The following AP1S3 variants were observed in gnomAD, a reference collection of about 807,000 sequenced individuals.
AP1S3 encodes the protein AP-1 complex subunit sigma-3.
Under a neutral mutation model 20.9 loss-of-function variants are expected in AP1S3, and 10 were observed. The observed-to-expected ratio is 0.48, with a 90% CI of 0.29 to 0.81. AP1S3 has a LOEUF of 0.81. AP1S3 is among the 30% of genes least tolerant of loss of function. The pLI, the probability that AP1S3 is intolerant of heterozygous loss-of-function variation, is 0.08. For missense variants in AP1S3, 154 were observed against 183.8 expected, an observed-to-expected ratio of 0.84 and a Z score of 0.94; for synonymous variants, 41 against 61.5, an observed-to-expected ratio of 0.67 and a Z score of 1.56.
In AP1S3 at chr2:223,756,661, C is replaced by T. The variant is rs1690229833; in HGVS notation, c.*2054G>A. 4.1e-6 allele frequency: 4 copies of T among 985,146 alleles called. No homozygotes were observed. The highest frequency in any genetic ancestry group is 4.8e-6 in the Non-Finnish European group (4 of 829,844). The allele number at this position is 985,146 out of a possible 1,614,324, so 61.0% of individuals were successfully genotyped here. On this transcript the variant is annotated 3_prime_UTR_variant, in exon 5 of 5. Transcript: ENST00000396654. ...AAAAGCCTAATGATTATTTTATATGCTAATCTGAGTTATTTCCTTTGAACA... is the reference window on the plus strand; with the variant it reads ...AAAAGCCTAATGATTATTTTATATGTTAATCTGAGTTATTTCCTTTGAACA...
intron 1 of AP1S3, among the ~76,000 whole-genome samples, chr2:223,787,227 C>G (rs967698090): frequency 2.6e-5 from 4 of 152,224 alleles, no homozygotes; most frequent in African/African-American, 9.6e-5. Context: ...TCCCCAGAAG[C>G]AGAAGCCACT....
chr2:223,765,458 T>A, intron 3 of AP1S3, 108 bp from the exon 4 acceptor site: 1 of 1,174,264 alleles, frequency 8.5e-7, no homozygotes, highest in South Asian at 1.7e-5. Context: ...GTACCAAAAA[T>A]AAAAATATCA....
Position 223,758,290 on chromosome 2 carries a change from A to G in AP1S3, c.*425T>C. ...AATTTTGAATTATTATACAATTTAG[A>G]AAACTAAACATTTAGAAAAAGTATT... On this transcript the variant is annotated 3_prime_UTR_variant, in exon 5 of 5. Transcript: ENST00000396654. The G allele has an allele frequency of 1.0e-6, 1 of 975,812 alleles. No homozygotes were observed. Among genetic ancestry groups the G allele is most frequent in the Non-Finnish European group, 1.2e-6 (1 of 820,458 alleles). The allele number at this position is 975,812 out of a possible 1,614,324, so 60.4% of individuals were successfully genotyped here.
At chr2:223,817,235 C>CA (rs1028474360) in intron 1 of AP1S3, among the ~76,000 whole-genome samples, 2 of 152,098 alleles carry the variant, frequency 1.3e-5, no homozygotes, top group African/African-American at 4.8e-5. Flanking sequence ...GGATGACAAC[C>CA]AAAAGTCAAC....
At chr2:223,761,153 T>C (rs1690344381) in intron 4 of AP1S3, among the ~76,000 whole-genome samples, 1 of 152,222 alleles carries the variant, frequency 6.6e-6, no homozygotes, top group South Asian at 2.1e-4. Context: ...GGGCAGACTT[T>C]TAGAGCTGGC....
chr2:223,807,778 G>A (rs1192283596), intron 1 of AP1S3, among the ~76,000 whole-genome samples: 3 of 150,176 alleles, frequency 2.0e-5, no homozygotes, highest in African/African-American at 4.9e-5. Context: ...CCTAGAAGTC[G>A]AGCATGCTTC....
At chr2:223,762,576 G>A (rs534412589) in intron 4 of AP1S3, among the ~76,000 whole-genome samples, 1 of 152,056 alleles carries the variant, frequency 6.6e-6, no homozygotes, top group Non-Finnish European at 1.5e-5. Flanking sequence ...CCCAGACAGA[G>A]GGTTTAATTT....
rs1163887027 is a variant in AP1S3 at position 223,820,145 on chromosome 2, TC to T, written c.3+17302del. Among the ~76,000 whole-genome samples, 19 of 147,244 alleles carry T rather than the reference TC, an allele frequency of 1.3e-4. No homozygotes were observed. In the East Asian group the frequency reaches 3.7e-3, roughly 28 times the overall value. On this transcript the variant is annotated intron_variant, in intron 1 of 4. Coordinates refer to ENST00000396654, the MANE Select transcript of AP1S3 (RefSeq NM_001039569.2). Reference sequence around the variant, plus strand: ...TAATAAATCAGACAAGTCTATTATTTCAAGGAAGCTCACTTTTAAAAGGTTT... The same window carrying T: ...TAATAAATCAGACAAGTCTATTATTTAAGGAAGCTCACTTTTAAAAGGTTT...
intron 1 of AP1S3, among the ~76,000 whole-genome samples, chr2:223,835,919 G>A (rs1692384506): frequency 6.6e-6 from 1 of 152,164 alleles, no homozygotes; most frequent in Non-Finnish European, 1.5e-5. Context: ...CTGGTGGACT[G>A]GGCATCTGTC....
At chr2:223,780,353 AGAGAGTGTGT>A (rs1690911724) in intron 1 of AP1S3, among the ~76,000 whole-genome samples, 3 of 58,572 alleles carry the variant, frequency 5.1e-5, no homozygotes, top group South Asian at 1.0e-3. Context: ...AGAGAGAGAG[AGAGAGTGTGT>A]GTGTGTGTGT....
intron 4 of AP1S3, among the ~76,000 whole-genome samples, chr2:223,762,602 T>G (rs1273984631): frequency 6.6e-6 from 1 of 152,170 alleles, no homozygotes; most frequent in Admixed American, 6.5e-5. Context: ...CTAATAACTT[T>G]GTGCCATTGT....
At chr2:223,762,193 G>C (rs1284730374) in intron 4 of AP1S3, among the ~76,000 whole-genome samples, 4 of 149,914 alleles carry the variant, frequency 2.7e-5, no homozygotes, top group Non-Finnish European at 5.9e-5. Flanking sequence ...GGCTGGTCTT[G>C]AACACCTGAC....
intron 1 of AP1S3, among the ~76,000 whole-genome samples, chr2:223,789,070 G>C (rs1262415931): frequency 1.3e-5 from 2 of 151,900 alleles, no homozygotes; most frequent in African/African-American, 4.8e-5. Flanking sequence ...ACTATGAGTA[G>C]AGGACAAGAG....
At chr2:223,837,406 GC>G in intron 1 of AP1S3, 41 bp downstream of exon 1, 1 of 1,165,864 alleles carries the variant, frequency 8.6e-7, no homozygotes, top group Non-Finnish European at 1.1e-6. Context: ...GAGCGCGAGC[GC>G]CCCCACCGCC....
At chr2:223,772,947 C>T (rs1339081445) in intron 3 of AP1S3, among the ~76,000 whole-genome samples, 1 of 152,166 alleles carries the variant, frequency 6.6e-6, no homozygotes, top group Non-Finnish European at 1.5e-5. Context: ...CCTTGAATTG[C>T]TCTTAGCTGC....
chr2:223,790,955 C>T (rs938619130), intron 1 of AP1S3, among the ~76,000 whole-genome samples: 38 of 152,134 alleles, frequency 2.5e-4, no homozygotes, highest in African/African-American at 9.2e-4. Context: ...TACACCCTCC[C>T]AAGACTGAAC....
rs746022533 is a variant in AP1S3 at position 223,770,260 on chromosome 2, G to A, written c.292-4910C>T. ...CAAGCTGAGGAACCTCGGAGTTCAA[G>A]GCAGGCGTAGACCAGGAATCCAAGA... is the stretch of plus-strand genomic sequence containing the variant. On this transcript the variant is annotated intron_variant, in intron 3 of 4. Transcript: ENST00000396654. The A allele has an allele frequency of 7.8e-5, 121 of 1,550,556 alleles. 3 individuals are homozygous for A. In the South Asian group the frequency reaches 1.4e-3, roughly 18 times the overall value.
At chr2:223,762,975 T>C (rs1271817250) in intron 4 of AP1S3, among the ~76,000 whole-genome samples, 1 of 151,948 alleles carries the variant, frequency 6.6e-6, no homozygotes, top group East Asian at 1.9e-4. Flanking sequence ...TATGCAAGTA[T>C]ACTACTGGCT....
intron 1 of AP1S3, among the ~76,000 whole-genome samples, chr2:223,795,644 A>G (rs1691319726): frequency 6.6e-6 from 1 of 152,204 alleles, no homozygotes; most frequent in Non-Finnish European, 1.5e-5. Context: ...TAAGTGGGAA[A>G]ACTTTGGTAA....
Sources: gnomAD v4.1 joint callset for allele counts (sites outside exome capture counted in the v4.1 genomes callset) on GRCh38, gnomAD v4.1.1 for gene constraint, MANE v1.5 for transcripts, NCBI Gene and HGNC (gene_info 2026-07-23, HGNC 2026-07-21) for gene names.